MROH9: variants seen among roughly 807,000 people sequenced by gnomAD.
MROH9 encodes the protein maestro heat like repeat family member 9.
MROH9 carries 92 observed loss-of-function variants against 98.2 expected under a neutral mutation model. The observed-to-expected ratio is 0.94, with a 90% CI of 0.79 to 1.11. MROH9 has a LOEUF of 1.11. MROH9 is among the 50% of genes most tolerant of loss of function. The pLI is 0.00. For synonymous variants in MROH9, 397 were observed against 368.9 expected, an observed-to-expected ratio of 1.08 and a Z score of -0.87; for missense variants, 1,057 against 1,014.8, an observed-to-expected ratio of 1.04 and a Z score of -0.57.
chr1:171,013,912 C>G (rs61816861), intron 15 of MROH9, among the ~76,000 whole-genome samples: 25 of 125,584 alleles, frequency 2.0e-4, no homozygotes, highest in African/African-American at 3.8e-4. Context: ...CACACACACA[C>G]ACAGACAGAC....
intron 6 of MROH9, among the ~76,000 whole-genome samples, chr1:170,963,627 A>T (rs907253797): frequency 6.6e-6 from 1 of 152,188 alleles, no homozygotes; most frequent in African/African-American, 2.4e-5. Flanking sequence ...TGTAGTACAC[A>T]TACACCATGG....
chr1:170,983,608 C>A, intron 9 of MROH9, 74 bp downstream of exon 9: 3 of 875,908 alleles, frequency 3.4e-6, no homozygotes, highest in Non-Finnish European at 5.4e-6. Flanking sequence ...TTTATTTCAA[C>A]AAAGTTTATG....
Position 170,996,541 on chromosome 1 carries a change from T to C in MROH9, c.1372T>C (p.Cys458Arg), listed in dbSNP as rs775454403. The C allele has an allele frequency of 1.2e-6, 2 of 1,613,556 alleles. No individual in the cohort carries two copies. Among genetic ancestry groups the C allele is most frequent in the Admixed American group, 3.3e-5 (2 of 59,956 alleles). Residue 458 changes from cysteine (C) to arginine (R), a missense_variant, in exon 14 of 22, where the codon TGT becomes CGT. By Grantham distance (180) the Cys-to-Arg change is radical (BLOSUM62 -3). Transcript: ENST00000367759. ...AQDALRVLLN[C>R]SGLQQVDITL... ...GGATGCCCTGAGAGTTCTGCTGAAT[T>C]GTTCTGGACTGCAACAGGTGGATAT...
chr1:171,008,441 G>T (rs1464928684), intron 15 of MROH9, among the ~76,000 whole-genome samples: 1 of 152,088 alleles, frequency 6.6e-6, no homozygotes, highest in Admixed American at 6.6e-5. Flanking sequence ...TTTTGTATGA[G>T]ATTTACATTC....
chr1:171,050,973 T>C (rs1366634286), intron 20 of MROH9, among the ~76,000 whole-genome samples: 1 of 152,242 alleles, frequency 6.6e-6, no homozygotes, highest in Non-Finnish European at 1.5e-5. Flanking sequence ...ATTTTTTTTA[T>C]GTTGAATCAT....
intron 3 of MROH9, among the ~76,000 whole-genome samples, chr1:170,948,510 ACACT>A (rs902840580): frequency 2.5e-4 from 38 of 152,178 alleles, no homozygotes; most frequent in African/African-American, 8.9e-4. Flanking sequence ...GTTTAGAATT[ACACT>A]CACTCAATCA....
chr1:170,938,801 A>G (rs1648999599), intron 1 of MROH9, among the ~76,000 whole-genome samples: 1 of 152,248 alleles, frequency 6.6e-6, no homozygotes, highest in African/African-American at 2.4e-5. Flanking sequence ...AATGTAGTCA[A>G]GCTGCCACCA....
chr1:170,998,415 C>A, intron 15 of MROH9, 141 bp downstream of exon 15: 1 of 1,601,258 alleles, frequency 6.2e-7, no homozygotes, highest in South Asian at 1.1e-5. Flanking sequence ...TATCTGAAGT[C>A]GGATGGGGAG....
At chr1:170,986,520 TG>T (rs1282575098) in intron 9 of MROH9, 40 bp from the exon 10 acceptor site, 1 of 1,584,652 alleles carries the variant, frequency 6.3e-7, no homozygotes, top group African/African-American at 1.3e-5. Flanking sequence ...TATGTTGGTG[TG>T]AGTAAGGCCT....
In MROH9 at chr1:170,935,605, A is replaced by C. The variant is rs911307170; in HGVS notation, c.-38+18A>C. 2 of 152,154 alleles carry C rather than the reference A, an allele frequency of 1.3e-5. No homozygotes were observed. The highest frequency in any genetic ancestry group is 4.8e-5 in the African/African-American group (2 of 41,416). The allele number at this position is 152,154 out of a possible 1,614,324, so 9.4% of individuals were successfully genotyped here. ...ACAAATATGTAAGTGAATTCCTATT[A>C]ATATTTCTGTCATTCAAAAGCTTGT... is the stretch of plus-strand genomic sequence containing the variant. On this transcript the variant is annotated intron_variant, in intron 1 of 21. Transcript: ENST00000367759.
chr1:171,014,463 T>TC, intron 16 of MROH9, among the ~76,000 whole-genome samples: 1 of 149,992 alleles, frequency 6.7e-6, no homozygotes, highest in East Asian at 1.9e-4. Context: ...CGCCTTACTT[T>TC]TTTTTTTTTT....
At chr1:171,037,106 A>T (rs1653127619) in intron 20 of MROH9, among the ~76,000 whole-genome samples, 2 of 151,924 alleles carry the variant, frequency 1.3e-5, no homozygotes, top group Admixed American at 1.3e-4. Flanking sequence ...TTTAATTTAA[A>T]AATACATGTT....
intron 20 of MROH9, among the ~76,000 whole-genome samples, chr1:171,055,426 G>C (rs1487419491): frequency 6.6e-6 from 1 of 151,986 alleles, no homozygotes; most frequent in African/African-American, 2.4e-5. Context: ...TTCAAGACCA[G>C]CCTGGCCAAC....
At chr1:170,941,659 C>T (rs1268929940) in intron 1 of MROH9, among the ~76,000 whole-genome samples, 2 of 152,126 alleles carry the variant, frequency 1.3e-5, no homozygotes, top group South Asian at 4.1e-4. Context: ...ATCCAATTAT[C>T]CTCATCACAT....
chr1:170,986,073 T>G (rs1342225874), intron 9 of MROH9, among the ~76,000 whole-genome samples: 1 of 152,166 alleles, frequency 6.6e-6, no homozygotes, highest in Non-Finnish European at 1.5e-5. Flanking sequence ...CCTCTAACTT[T>G]AAAAAGGGAT....
chr1:171,050,276 C>T (rs909306974), intron 20 of MROH9, among the ~76,000 whole-genome samples: 4 of 152,076 alleles, frequency 2.6e-5, no homozygotes, highest in Non-Finnish European at 5.9e-5. Flanking sequence ...TTATTTAAAT[C>T]TTTAACATCT....
intron 7 of MROH9, among the ~76,000 whole-genome samples, chr1:170,966,560 T>C (rs1311973907): frequency 6.6e-6 from 1 of 152,134 alleles, no homozygotes; most frequent in East Asian, 1.9e-4. Flanking sequence ...CCCAGATTTA[T>C]TGAGATGAAG....
At chr1:170,992,445 C>G in intron 12 of MROH9, 116 bp downstream of exon 12, 1 of 1,032,904 alleles carries the variant, frequency 9.7e-7, no homozygotes, top group Non-Finnish European at 1.4e-6. Flanking sequence ...CTCATGCATC[C>G]ATTCATGCAA....
At position 170,958,532 on chromosome 1, in the gene MROH9, G is replaced by A. The variant is rs1649878015; in HGVS notation, c.144G>A (p.Val48=). 2 of 1,584,748 alleles carry A rather than the reference G, an allele frequency of 1.3e-6. No homozygotes were observed. The highest frequency in any genetic ancestry group is 1.7e-6 in the Non-Finnish European group (2 of 1,158,972). Residue 48 remains valine (V), a synonymous_variant, in exon 4 of 22, where the codon GTG becomes GTA. Transcript: ENST00000367759. ...GTAATGAATCCATGATCCTGGCTGT[G>A]AACTCCAGGTATGATAAGCTATCAT... ...LLSNESMILA[V]NSSFVDPLLQ...
Sources: allele counts gnomAD v4.1 joint callset (sites outside exome capture counted in the v4.1 genomes callset), GRCh38; gene constraint gnomAD v4.1.1; transcripts MANE v1.5; gene names NCBI Gene and HGNC (gene_info 2026-07-23, HGNC 2026-07-21).